SUPT3H: variants seen among roughly 807,000 people sequenced by gnomAD.
SUPT3H encodes transcription initiation protein SPT3 homolog.
In SUPT3H, 44 loss-of-function variants were observed where a neutral mutation model predicts 44.3. The ratio of observed to expected loss-of-function variants is 0.99; its 90% confidence interval spans 0.78 to 1.28. The LOEUF is 1.28. Ranked by LOEUF, SUPT3H falls within the 50% of genes most tolerant of loss-of-function variation. SUPT3H has a pLI of 0.00. For synonymous variants in SUPT3H, 124 were observed against 125.6 expected, an observed-to-expected ratio of 0.99 and a Z score of 0.09; for missense variants, 380 against 387.1, an observed-to-expected ratio of 0.98 and a Z score of 0.15.
At chr6:44,984,313 C>T (rs1227624187) in intron 6 of SUPT3H, among the ~76,000 whole-genome samples, 1 of 152,070 alleles carries the variant, frequency 6.6e-6, no homozygotes, top group Admixed American at 6.6e-5. Context: ...TGGCATGTAA[C>T]CCTCTAAGTA....
At chr6:45,183,054 G>A (rs777192363) in intron 2 of SUPT3H, among the ~76,000 whole-genome samples, 13 of 152,184 alleles carry the variant, frequency 8.5e-5, no homozygotes, top group Non-Finnish European at 1.9e-4. Flanking sequence ...ACAATAAATA[G>A]CCAAAAGGTG....
At chr6:45,194,709 C>T (rs1026648563) in intron 2 of SUPT3H, among the ~76,000 whole-genome samples, 3 of 151,972 alleles carry the variant, frequency 2.0e-5, no homozygotes, top group Non-Finnish European at 4.4e-5. Flanking sequence ...AAATACACTA[C>T]GGTTATAATG....
chr6:45,313,108 C>T (rs894591371), intron 2 of SUPT3H, among the ~76,000 whole-genome samples: 3 of 152,042 alleles, frequency 2.0e-5, no homozygotes, highest in African/African-American at 7.2e-5. Flanking sequence ...AATGACATAA[C>T]TTATCAAAAC....
chr6:45,141,541 C>T (rs1583794236), intron 2 of SUPT3H, among the ~76,000 whole-genome samples: 1 of 151,430 alleles, frequency 6.6e-6, no homozygotes, highest in Admixed American at 6.6e-5. Flanking sequence ...ATGAAAGACA[C>T]ACTTAGAGAA....
intron 2 of SUPT3H, among the ~76,000 whole-genome samples, chr6:45,195,552 A>C (rs1815876622): frequency 6.6e-6 from 1 of 152,186 alleles, no homozygotes; most frequent in Non-Finnish European, 1.5e-5. Context: ...TCATATTAAG[A>C]AAGGGAATTT....
chr6:45,000,941 A>C (rs1252370979), intron 6 of SUPT3H, among the ~76,000 whole-genome samples: 1 of 152,066 alleles, frequency 6.6e-6, no homozygotes, highest in Non-Finnish European at 1.5e-5. Context: ...AGGGGCTTAC[A>C]AGACTAGATA....
At chr6:44,906,538 C>T (rs374345429) in intron 10 of SUPT3H, among the ~76,000 whole-genome samples, 2 of 152,080 alleles carry the variant, frequency 1.3e-5, no homozygotes, top group Admixed American at 6.6e-5. Flanking sequence ...CCGAGTTGGG[C>T]GGATCACGAG....
chr6:44,865,276 T>C (rs980022505), intron 10 of SUPT3H, among the ~76,000 whole-genome samples: 1 of 152,212 alleles, frequency 6.6e-6, no homozygotes, highest in Non-Finnish European at 1.5e-5. Flanking sequence ...TTCCAAACTT[T>C]CCTACATTTT....
At position 44,895,212 on chromosome 6, in the gene SUPT3H, T is replaced by C. The variant is rs550692456; in HGVS notation, c.912+37441A>G. Among the ~76,000 whole-genome samples, 30 of 151,796 alleles carry C rather than the reference T, an allele frequency of 2.0e-4. No individual in the cohort carries two copies. The South Asian group carries it at 5.0e-3, about 25-fold the overall frequency. Reference sequence around the variant, plus strand: ...GAGGTGGTCTTAATCTATAACTATATGGAATAATAATAGTGTGATTTGTTT... The same window carrying C: ...GAGGTGGTCTTAATCTATAACTATACGGAATAATAATAGTGTGATTTGTTT... On this transcript the variant is annotated intron_variant, in intron 10 of 10. Transcript: ENST00000371459.
intron 6 of SUPT3H, among the ~76,000 whole-genome samples, chr6:44,970,700 C>G (rs1234158838): frequency 6.6e-6 from 1 of 151,772 alleles, no homozygotes; most frequent in African/African-American, 2.4e-5. Context: ...TACATAATAT[C>G]TAGATGAGCT....
In SUPT3H at chr6:45,183,142, G is replaced by T. The variant is rs373916551; in HGVS notation, c.102-77136C>A. On this transcript the variant is annotated intron_variant, in intron 2 of 10. Transcript: ENST00000371459. ...ATACAATATTATTCAGCCACAAAAA[G>T]AATGAAGTAGTGATAATGCTACAAC... Among the ~76,000 whole-genome samples, 105 of 152,344 alleles carry T rather than the reference G, an allele frequency of 6.9e-4. 3 individuals are homozygous for T. In the South Asian group the frequency reaches 0.021, roughly 30 times the overall value.
At chr6:44,943,920 A>G (rs1772870320) in intron 9 of SUPT3H, among the ~76,000 whole-genome samples, 1 of 152,146 alleles carries the variant, frequency 6.6e-6, no homozygotes, top group Admixed American at 6.5e-5. Flanking sequence ...AAAATGATAC[A>G]AGAAAACTCT....
chr6:44,831,339 A>AAAAC (rs3839579), intron 10 of SUPT3H, among the ~76,000 whole-genome samples: 25,204 of 152,084 alleles, frequency 0.17, 2,386 homozygotes, highest in Admixed American at 0.28. Flanking sequence ...TGGATTGAAG[A>AAAAC]AAACATTCTA....
chr6:45,373,890 T>G (rs1796429502), intron 1 of SUPT3H, among the ~76,000 whole-genome samples: 1 of 152,174 alleles, frequency 6.6e-6, no homozygotes, highest in African/African-American at 2.4e-5. Flanking sequence ...AGAACTGTCT[T>G]CAGTAATAGT....
intron 10 of SUPT3H, among the ~76,000 whole-genome samples, chr6:44,904,673 A>G (rs1403506679): frequency 6.6e-6 from 1 of 152,214 alleles, no homozygotes; most frequent in Non-Finnish European, 1.5e-5. Context: ...AAACTACTTT[A>G]AAGTTCATAT....
Position 45,282,603 on chromosome 6 carries a change from A to G in SUPT3H, c.101+82598T>C, listed in dbSNP as rs1363012308. 3.9e-5 allele frequency among the ~76,000 whole-genome samples: 6 copies of G among 152,230 alleles called. No individual in the cohort carries two copies. The East Asian group carries it at 5.8e-4, about 15-fold the overall frequency. On this transcript the variant is annotated intron_variant, in intron 2 of 10. Coordinates refer to ENST00000371459, the MANE Select transcript of SUPT3H (RefSeq NM_003599.4). ...GACTATGTGAAAAGACCAAATCTAC[A>G]TCTGATTGGTGTACCTGAAAGTGAC...
chr6:44,943,200 T>C (rs907296188), intron 9 of SUPT3H, among the ~76,000 whole-genome samples: 5 of 151,850 alleles, frequency 3.3e-5, no homozygotes, highest in Middle Eastern at 3.4e-3. Context: ...AAAAATCAAA[T>C]AGAAATTTTA....
At chr6:44,839,030 G>T (rs1013054761) in intron 10 of SUPT3H, among the ~76,000 whole-genome samples, 2 of 152,222 alleles carry the variant, frequency 1.3e-5, no homozygotes, top group African/African-American at 4.8e-5. Context: ...TGATGTGAAA[G>T]ATTAATTTGA....
chr6:45,173,656 C>A (rs1007434238), intron 2 of SUPT3H, among the ~76,000 whole-genome samples: 2 of 152,142 alleles, frequency 1.3e-5, no homozygotes, highest in Non-Finnish European at 2.9e-5. Context: ...AACTGTAAAC[C>A]ATACTCTGTC....
Sources: allele counts gnomAD v4.1 joint callset (sites outside exome capture counted in the v4.1 genomes callset), GRCh38; gene constraint gnomAD v4.1.1; transcripts MANE v1.5; gene names NCBI Gene and HGNC (gene_info 2026-07-23, HGNC 2026-07-21).